CDH11: variants seen among roughly 807,000 people sequenced by gnomAD.
CDH11 encodes cadherin-11.
A neutral mutation model predicts 67.8 loss-of-function variants in CDH11; 11 were observed. The observed-to-expected ratio is 0.16, with a 90% confidence interval of 0.10 to 0.27. The LOEUF (loss-of-function observed/expected upper bound fraction) is 0.27, where lower values mean the gene tolerates loss of function less well. CDH11 is among the 10% of genes least tolerant of loss of function. The pLI, the probability that CDH11 is intolerant of heterozygous loss-of-function variation, is 1.00. For synonymous variants in CDH11, 419 were observed against 400.0 expected (o/e 1.05, Z -0.57); for missense variants, 847 against 1,031.2 (o/e 0.82, Z 2.45).
chr16:65,110,647 T>A, intron 1 of CDH11, among the ~76,000 whole-genome samples: 1 of 148,982 alleles, frequency 6.7e-6, no homozygotes, highest in South Asian at 2.1e-4. Context: ...TGTGTGTGTG[T>A]GTGTGTGTGT....
At chr16:64,974,098 T>TG (rs1284419478) in intron 8 of CDH11, among the ~76,000 whole-genome samples, 1 of 151,982 alleles carries the variant, frequency 6.6e-6, no homozygotes, top group African/African-American at 2.4e-5. Flanking sequence ...CAAAGTGAGG[T>TG]GGGAGATGGC....
chr16:65,097,871 T>C (rs546123166), intron 1 of CDH11, among the ~76,000 whole-genome samples: 10 of 152,220 alleles, frequency 6.6e-5, no homozygotes, highest in Non-Finnish European at 1.5e-4. Flanking sequence ...ATTCAGCAAT[T>C]GAATCTGTAA....
At chr16:65,047,937 C>A (rs879208169) in intron 2 of CDH11, among the ~76,000 whole-genome samples, 1 of 152,142 alleles carries the variant, frequency 6.6e-6, no homozygotes, top group Non-Finnish European at 1.5e-5. Flanking sequence ...TATGTTCTCA[C>A]AGATCCATGG....
chr16:65,058,095 T>C (rs764579918), intron 1 of CDH11, among the ~76,000 whole-genome samples: 2 of 151,914 alleles, frequency 1.3e-5, no homozygotes, highest in Non-Finnish European at 2.9e-5. Flanking sequence ...TGGTGGCAGG[T>C]GCCTGTAGTC....
At chr16:65,001,694 TG>T (rs2072922753) in intron 3 of CDH11, among the ~76,000 whole-genome samples, 1 of 152,096 alleles carries the variant, frequency 6.6e-6, no homozygotes, top group African/African-American at 2.4e-5. Flanking sequence ...GTTTTCAGGT[TG>T]GAAAGTAGGA....
chr16:65,033,318 C>A (rs1470280992), intron 2 of CDH11, among the ~76,000 whole-genome samples: 1 of 151,802 alleles, frequency 6.6e-6, no homozygotes, highest in Non-Finnish European at 1.5e-5. Context: ...TGGAGTTGTG[C>A]ATATGCAAAT....
intron 2 of CDH11, among the ~76,000 whole-genome samples, chr16:65,042,009 G>C (rs540942412): frequency 6.6e-6 from 1 of 152,210 alleles, no homozygotes; most frequent in East Asian, 1.9e-4. Context: ...AGGAGCCCAG[G>C]CTCCAGGCTT....
At position 65,060,454 on chromosome 16, in the gene CDH11, G is replaced by C. The variant is rs141365442; in HGVS notation, c.-297-6526C>G. 2.4e-3 allele frequency among the ~76,000 whole-genome samples: 360 copies of C among 152,090 alleles called. 2 individuals are homozygous for C. Among genetic ancestry groups the C allele is most frequent in the African/African-American group, 7.4e-3 (308 of 41,496 alleles). On this transcript the variant is annotated intron_variant, in intron 1 of 12. Coordinates refer to ENST00000268603, the MANE Select transcript of CDH11 (RefSeq NM_001797.4). ...CTCCAGGAGAGTATATTTTATTTTT[G>C]CCTAAAATGCTAGCAATTTTACTTT...
At chr16:65,003,187 A>G (rs1372984881) in intron 3 of CDH11, among the ~76,000 whole-genome samples, 2 of 151,578 alleles carry the variant, frequency 1.3e-5, no homozygotes, top group Non-Finnish European at 2.9e-5. Context: ...TTAGTAATAA[A>G]TAATACTATT....
At chr16:65,103,108 C>T (rs2075019570) in intron 1 of CDH11, among the ~76,000 whole-genome samples, 1 of 152,116 alleles carries the variant, frequency 6.6e-6, no homozygotes, top group South Asian at 2.1e-4. Context: ...CTCCTGGGTG[C>T]TCATATTTTT....
chr16:64,945,301 T>A lies in CDH11; in HGVS notation c.*2302A>T, dbSNP rs1205780982. ...AGAGGCTTAACGAAAAAATAAAAGG[T>A]AAAAAAAAAAAAAAAAAAGAAAAAG... On this transcript the variant is annotated 3_prime_UTR_variant, in exon 13 of 13. Transcript: ENST00000268603. 1.6e-5 allele frequency: 6 copies of A among 371,892 alleles called. No individual in the cohort carries two copies. The highest frequency in any genetic ancestry group is 2.0e-4 in the East Asian group (2 of 10,050). 23.0% of individuals were successfully genotyped at this position (371,892 alleles called of 1,614,324 possible).
chr16:65,019,167 C>T (rs1431933867), intron 2 of CDH11, among the ~76,000 whole-genome samples: 1 of 152,120 alleles, frequency 6.6e-6, no homozygotes, highest in Non-Finnish European at 1.5e-5. Flanking sequence ...CCAAATATGT[C>T]ATTTTTGGAC....
At chr16:65,005,458 T>C (rs962894173) in intron 2 of CDH11, among the ~76,000 whole-genome samples, 1 of 152,052 alleles carries the variant, frequency 6.6e-6, no homozygotes, top group Non-Finnish European at 1.5e-5. Context: ...TTTAGTGAGG[T>C]TGCTGTAATA....
At chr16:64,955,741 T>C (rs955526854) in intron 11 of CDH11, among the ~76,000 whole-genome samples, 2 of 151,890 alleles carry the variant, frequency 1.3e-5, no homozygotes, top group African/African-American at 4.8e-5. Context: ...TGAGACCCTG[T>C]CTCTAAAAAG....
chr16:65,115,716 AAAAAAC>A (rs1156650825), intron 1 of CDH11, among the ~76,000 whole-genome samples: 6 of 140,454 alleles, frequency 4.3e-5, no homozygotes, highest in African/African-American at 1.3e-4. Context: ...CCAAAAAAAA[AAAAAAC>A]AAAAAAACAA....
intron 11 of CDH11, among the ~76,000 whole-genome samples, chr16:64,970,266 A>G (rs2071968254): frequency 6.6e-6 from 1 of 152,142 alleles, no homozygotes; most frequent in Admixed American, 6.5e-5. Context: ...TTAAATACTC[A>G]CATAAGTTCA....
At chr16:64,995,703 G>A (rs1486406447) in intron 4 of CDH11, among the ~76,000 whole-genome samples, 1 of 152,018 alleles carries the variant, frequency 6.6e-6, no homozygotes, top group East Asian at 1.9e-4. Context: ...TTTATGACTA[G>A]GTCCTCAAAA....
rs2075318563 is a variant in CDH11, at chr16:65,121,001, G to C, written c.-298+879C>G. Among the ~76,000 whole-genome samples the C allele has an allele frequency of 6.6e-6, 1 of 152,234 alleles. No homozygotes were observed. The highest frequency in any genetic ancestry group is 1.5e-5 in the Non-Finnish European group (1 of 68,034). ...CTCCCGGCTCGCGTTCCGGGGCAGA[G>C]CGCAGGGAGGGAGGCCGTGCGTGCC... On this transcript the variant is annotated intron_variant, in intron 1 of 12. Coordinates refer to ENST00000268603, the MANE Select transcript of CDH11 (RefSeq NM_001797.4). This position sits in a 1 kb window ranked among gnomAD's most constrained non-coding sequence, Gnocchi z 4.1.
Position 65,121,046 on chromosome 16 carries a change from C to A in CDH11, c.-298+834G>T, listed in dbSNP as rs1345251050. ...CGTGCCGGGAGCTAGAGAGGCTTGG[C>A]GCGCTCCGAGAAGCGGCGCAGGTTT... On this transcript the variant is annotated intron_variant, in intron 1 of 12. Transcript: ENST00000268603. This position sits in a 1 kb window ranked among gnomAD's most constrained non-coding sequence, Gnocchi z 4.1. Among the ~76,000 whole-genome samples the A allele has an allele frequency of 3.9e-5, 6 of 152,256 alleles. No individual in the cohort carries two copies. The South Asian group carries it at 1.2e-3, about 32-fold the overall frequency.
Sources: gnomAD v4.1 joint callset for allele counts (sites outside exome capture counted in the v4.1 genomes callset) on GRCh38, gnomAD v4.1.1 for gene constraint, Gnocchi (gnomAD v3.1) non-coding constraint, MANE v1.5 for transcripts, NCBI Gene and HGNC (gene_info 2026-07-23, HGNC 2026-07-21) for gene names.